The following SULT2A1 variants were observed in gnomAD, a reference collection of about 807,000 sequenced individuals.
SULT2A1 encodes the protein sulfotransferase 2A1.
Under a neutral mutation model 33.9 loss-of-function variants are expected in SULT2A1, and 43 were observed. The observed-to-expected ratio is 1.27, with a 90% CI of 1.00 to 1.64. The LOEUF (loss-of-function observed/expected upper bound fraction) is 1.64. Ranked by LOEUF, SULT2A1 falls within the 40% of genes most tolerant of loss-of-function variation. The pLI is 0.00. For missense variants in SULT2A1, 300 were observed against 335.1 expected (o/e 0.90, Z 0.82); for synonymous variants, 125 against 113.6 (o/e 1.10, Z -0.64).
intron 3 of SULT2A1, among the ~76,000 whole-genome samples, chr19:47,880,643 A>G (rs992728840): frequency 1.3e-5 from 2 of 151,684 alleles, no homozygotes; most frequent in Non-Finnish European, 2.9e-5. Context: ...CTGTAGTGCC[A>G]TGGAGTGATC....
intron 1 of SULT2A1, among the ~76,000 whole-genome samples, chr19:47,885,585 C>G (rs1406161414): frequency 6.6e-6 from 1 of 152,160 alleles, no homozygotes; most frequent in East Asian, 1.9e-4. Flanking sequence ...GGCCATGCCA[C>G]TTCCAATGTC....
chr19:47,877,460 G>A (rs1156746128), intron 4 of SULT2A1, among the ~76,000 whole-genome samples: 4 of 151,724 alleles, frequency 2.6e-5, no homozygotes, highest in Admixed American at 1.3e-4. Flanking sequence ...GGCTGGTATC[G>A]AACTCCTGAC....
chr19:47,885,355 G>A (rs1221163962), intron 1 of SULT2A1, among the ~76,000 whole-genome samples: 1 of 142,498 alleles, frequency 7.0e-6, no homozygotes, highest in African/African-American at 2.6e-5. Flanking sequence ...GTATTTTTGT[G>A]ACTGGCTTAT....
At chr19:47,878,309 C>G (rs1968567662) in intron 4 of SULT2A1, among the ~76,000 whole-genome samples, 1 of 151,954 alleles carries the variant, frequency 6.6e-6, no homozygotes, top group African/African-American at 2.4e-5. Context: ...TCCCGAGTAG[C>G]TGGAATTAGA....
intron 3 of SULT2A1, among the ~76,000 whole-genome samples, chr19:47,880,661 G>A (rs555688980): frequency 2.6e-5 from 4 of 151,622 alleles, no homozygotes; most frequent in South Asian, 2.1e-4. Context: ...ATCTCGGCTC[G>A]CTGCAACCTC....
intron 4 of SULT2A1, among the ~76,000 whole-genome samples, chr19:47,875,751 A>C (rs1357128871): frequency 6.6e-6 from 1 of 152,172 alleles, no homozygotes; most frequent in Non-Finnish European, 1.5e-5. Context: ...CTTAACAGTA[A>C]AACACAGAGC....
chr19:47,885,128 C>A (rs1261989059), intron 1 of SULT2A1, among the ~76,000 whole-genome samples: 1 of 152,110 alleles, frequency 6.6e-6, no homozygotes, highest in African/African-American at 2.4e-5. Flanking sequence ...CACTTTTAAG[C>A]CTACGGTTTC....
At chr19:47,877,751 A>T (rs755669407) in intron 4 of SULT2A1, among the ~76,000 whole-genome samples, 7 of 151,820 alleles carry the variant, frequency 4.6e-5, no homozygotes, top group Non-Finnish European at 1.0e-4. Flanking sequence ...GGGTCTTGCT[A>T]TGTTGGCCAG....
intron 1 of SULT2A1, among the ~76,000 whole-genome samples, chr19:47,885,812 CT>C (rs1486437244): frequency 1.3e-5 from 2 of 152,124 alleles, no homozygotes; most frequent in Admixed American, 6.5e-5. Flanking sequence ...AATGCTATTT[CT>C]TCTTTCAGGA....
chr19:47,882,008 T>C (rs1968608904), intron 3 of SULT2A1, 76 bp downstream of exon 3: 3 of 1,583,322 alleles, frequency 1.9e-6, no homozygotes, highest in Non-Finnish European at 2.6e-6. Context: ...TGGTGAGATG[T>C]AGAGATGTGA....
At chr19:47,871,645 T>C in intron 5 of SULT2A1, 78 bp from the exon 6 acceptor site, 1 of 958,504 alleles carries the variant, frequency 1.0e-6, no homozygotes, top group Non-Finnish European at 1.7e-6. Context: ...GACATGGACA[T>C]TGTAGCTAAC....
chr19:47,878,224 T>G (rs1237559241), intron 4 of SULT2A1, among the ~76,000 whole-genome samples: 1 of 152,228 alleles, frequency 6.6e-6, no homozygotes, highest in Non-Finnish European at 1.5e-5. Flanking sequence ...TGCCCCAGGC[T>G]GGAGTGCAGT....
At chr19:47,876,506 A>G (rs561365683) in intron 4 of SULT2A1, among the ~76,000 whole-genome samples, 20 of 152,156 alleles carry the variant, frequency 1.3e-4, no homozygotes, top group Non-Finnish European at 2.8e-4. Context: ...AAGGTATGGG[A>G]TCGTGTATCT....
At chr19:47,873,614 CTTTTTTTTTTTTTTT>C (rs61271763) in intron 5 of SULT2A1, among the ~76,000 whole-genome samples, 1 of 62,062 alleles carries the variant, frequency 1.6e-5, no homozygotes, top group African/African-American at 7.8e-5. Flanking sequence ...GGACAGATCT[CTTTTTTTTTTTTTTT>C]TTTTTTTTTT....
At chr19:47,883,886 T>C (rs1968627646) in intron 1 of SULT2A1, 101 bp from the exon 2 acceptor site, 1 of 1,079,728 alleles carries the variant, frequency 9.3e-7, no homozygotes, top group African/African-American at 1.6e-5. Context: ...AGGCAAGTGA[T>C]CATGAGGTCA....
At chr19:47,876,102 G>A (rs1276878285) in intron 4 of SULT2A1, among the ~76,000 whole-genome samples, 3 of 152,086 alleles carry the variant, frequency 2.0e-5, no homozygotes, top group African/African-American at 7.2e-5. Context: ...TGCAACCTCC[G>A]CCTCCCAGGC....
At chr19:47,881,154 G>A (rs1568639758) in intron 3 of SULT2A1, among the ~76,000 whole-genome samples, 1 of 152,042 alleles carries the variant, frequency 6.6e-6, no homozygotes, top group Non-Finnish European at 1.5e-5. Flanking sequence ...TCGTGCCTCA[G>A]CCTCCTGAGT....
At chr19:47,872,074 C>A (rs1346945490) in intron 5 of SULT2A1, among the ~76,000 whole-genome samples, 1 of 152,200 alleles carries the variant, frequency 6.6e-6, no homozygotes, top group South Asian at 2.1e-4. Flanking sequence ...CCTACCACCA[C>A]GCCTGGCTAA....
chr19:47,884,300 T>C (rs1968632878), intron 1 of SULT2A1, among the ~76,000 whole-genome samples: 1 of 150,756 alleles, frequency 6.6e-6, no homozygotes, highest in Non-Finnish European at 1.5e-5. Flanking sequence ...GCCTCCCAAG[T>C]AGCTGGGACT....
Sources: gnomAD v4.1 joint callset for allele counts (sites outside exome capture counted in the v4.1 genomes callset) on GRCh38, gnomAD v4.1.1 for gene constraint, MANE v1.5 for transcripts, NCBI Gene and HGNC (gene_info 2026-07-23, HGNC 2026-07-21) for gene names.